Variants in ODR4 observed in about 807,000 individuals in gnomAD.
ODR4 encodes the protein protein odr-4 homolog.
In ODR4, 47 loss-of-function variants were observed where a neutral mutation model predicts 60.2. The observed-to-expected ratio is 0.78, with a 90% CI of 0.62 to 1.00. ODR4 has a LOEUF of 1.00. Ranked by LOEUF, ODR4 falls within the 50% of genes least tolerant of loss-of-function variation. ODR4 has a pLI of 0.00. For synonymous variants in ODR4, 178 were observed against 175.5 expected, an observed-to-expected ratio of 1.01 and a Z score of -0.11; for missense variants, 488 against 530.8, an observed-to-expected ratio of 0.92 and a Z score of 0.79.
intron 11 of ODR4, among the ~76,000 whole-genome samples, chr1:186,404,311 T>G (rs1384930883): frequency 6.6e-6 from 1 of 152,250 alleles, no homozygotes; most frequent in African/African-American, 2.4e-5. Flanking sequence ...ACTTAGATAC[T>G]AAATTGCTAA....
chr1:186,387,048 G>T (rs1267378115), intron 4 of ODR4, among the ~76,000 whole-genome samples: 1 of 152,072 alleles, frequency 6.6e-6, no homozygotes, highest in Non-Finnish European at 1.5e-5. Context: ...CAAAAGAGGG[G>T]GAACCTTAAA....
In ODR4 at chr1:186,388,435, C is replaced by G. The variant is rs1296889683; in HGVS notation, c.331-7C>G. The G allele has an allele frequency of 6.8e-7, 1 of 1,479,050 alleles. No homozygotes were observed. The highest frequency in any genetic ancestry group is 2.5e-5 in the East Asian group (1 of 39,874). The allele number at this position is 1,479,050 out of a possible 1,614,324, so 91.6% of individuals were successfully genotyped here. A position where few individuals can be genotyped will look rare whatever the true frequency, so the allele number is the denominator to read the frequency against. ...ATTCAATTAGTGTGTATTTTTCTCT[C>G]TTTCAGCTAATGTTTGCTGTGGAAA... On this transcript the variant is annotated splice_region_variant and splice_polypyrimidine_tract_variant and intron_variant, in intron 4 of 13. Coordinates refer to ENST00000287859, the MANE Select transcript of ODR4 (RefSeq NM_017847.6).
intron 10 of ODR4, 100 bp downstream of exon 10, chr1:186,398,541 G>A (rs889725332): frequency 5.1e-6 from 6 of 1,172,976 alleles, no homozygotes; most frequent in African/African-American, 4.7e-5. Context: ...TTATTAATTC[G>A]ATTTTAACTG....
In ODR4 at chr1:186,405,981, A is replaced by G. The variant is rs1661159527; in HGVS notation, c.1001-102A>G. 1.3e-5 allele frequency: 11 copies of G among 834,634 alleles called. No homozygotes were observed. The South Asian group carries it at 3.2e-4, about 24-fold the overall frequency. The allele number at this position is 834,634 out of a possible 1,614,324, so 51.7% of individuals were successfully genotyped here. A position where few individuals can be genotyped will look rare whatever the true frequency, so the allele number is the denominator to read the frequency against. ...GAAAATGAAAAAATATTGACCTTTT[A>G]AGCTTTATTTCTATTAGTTTTTGTA... On this transcript the variant is annotated intron_variant, in intron 11 of 13. Coordinates refer to ENST00000287859, the MANE Select transcript of ODR4 (RefSeq NM_017847.6).
chr1:186,390,429 A>G (rs1166384746), intron 6 of ODR4, among the ~76,000 whole-genome samples: 1 of 152,202 alleles, frequency 6.6e-6, no homozygotes, highest in Non-Finnish European at 1.5e-5. Flanking sequence ...CTAGAGGATC[A>G]AAGGACCTTT....
chr1:186,383,756 T>A (rs1419386899), intron 3 of ODR4, among the ~76,000 whole-genome samples: 2 of 148,596 alleles, frequency 1.3e-5, no homozygotes, highest in Non-Finnish European at 3.0e-5. Context: ...TAGTTATATT[T>A]AAAAAAAAAA....
At chr1:186,410,121 A>T (rs1661317218) in intron 12 of ODR4, among the ~76,000 whole-genome samples, 1 of 152,220 alleles carries the variant, frequency 6.6e-6, no homozygotes, top group Non-Finnish European at 1.5e-5. Flanking sequence ...CTGATTCATA[A>T]ATACTGAATA....
chr1:186,415,466 T>TG (rs528872349), intron 12 of ODR4, among the ~76,000 whole-genome samples: 95 of 152,274 alleles, frequency 6.2e-4, no homozygotes, highest in Admixed American at 1.3e-3. Flanking sequence ...CTCTTTTTTG[T>TG]GGGGGTGAGG....
chr1:186,407,347 G>A (rs1054137067), intron 12 of ODR4, among the ~76,000 whole-genome samples: 5 of 152,088 alleles, frequency 3.3e-5, no homozygotes, highest in African/African-American at 1.2e-4. Flanking sequence ...AATGTTTACT[G>A]CTTTCCAAAA....
chr1:186,424,715 G>A (rs764084404), downstream of ODR4, among the ~76,000 whole-genome samples: 2 of 151,938 alleles, frequency 1.3e-5, no homozygotes, highest in Non-Finnish European at 2.9e-5. Context: ...GTTAATGGTG[G>A]CTATCAGCTG....
intron 2 of ODR4, among the ~76,000 whole-genome samples, chr1:186,382,504 T>C: frequency 6.6e-6 from 1 of 152,082 alleles, no homozygotes; most frequent in East Asian, 1.9e-4. Flanking sequence ...ATAGAATCTG[T>C]ATCACTTTAA....
Position 186,413,376 on chromosome 1 carries a change from A to G in ODR4, c.1187-4168A>G, listed in dbSNP as rs1172015263. On this transcript the variant is annotated intron_variant, in intron 12 of 13. Transcript: ENST00000287859. ...TGTTCTATAGTATAGTTGCCCAAGTAGTTGCTATGTTTAAAATACATATTT... is the reference window on the plus strand; with the variant it reads ...TGTTCTATAGTATAGTTGCCCAAGTGGTTGCTATGTTTAAAATACATATTT... Among the ~76,000 whole-genome samples the G allele has an allele frequency of 2.0e-5, 3 of 152,274 alleles. No individual in the cohort carries two copies. The East Asian group carries it at 5.8e-4, about 29-fold the overall frequency.
At chr1:186,379,517 G>A (rs1298066851) in intron 1 of ODR4, among the ~76,000 whole-genome samples, 2 of 151,482 alleles carry the variant, frequency 1.3e-5, no homozygotes, top group Non-Finnish European at 2.9e-5. Context: ...TCCCAGGTAT[G>A]AGTAAAAGGT....
At chr1:186,393,260 A>T (rs945824797) in intron 8 of ODR4, among the ~76,000 whole-genome samples, 3 of 152,216 alleles carry the variant, frequency 2.0e-5, no homozygotes, top group African/African-American at 7.2e-5. Context: ...AAATCTGCAC[A>T]TGTACTCATG....
chr1:186,378,413 C>T (rs183137830), intron 1 of ODR4, among the ~76,000 whole-genome samples: 126 of 152,320 alleles, frequency 8.3e-4, no homozygotes, highest in Non-Finnish European at 1.5e-3. Flanking sequence ...TTCATCCTCA[C>T]TGATTATGAA....
chr1:186,405,932 A>G (rs1283985025), intron 11 of ODR4, 151 bp from the exon 12 acceptor site: 1 of 526,376 alleles, frequency 1.9e-6, no homozygotes, highest in East Asian at 3.4e-5. Flanking sequence ...ATTTGGTAAG[A>G]GCAATTTTGT....
intron 1 of ODR4, among the ~76,000 whole-genome samples, chr1:186,379,101 A>C (rs183072454): frequency 2.0e-5 from 3 of 152,340 alleles, no homozygotes; most frequent in African/African-American, 7.2e-5. Context: ...AAGACTTAGC[A>C]ATAGAGTATC....
downstream of ODR4, among the ~76,000 whole-genome samples, chr1:186,426,019 A>G (rs1346396154): frequency 2.0e-5 from 3 of 152,276 alleles, no homozygotes; most frequent in Non-Finnish European, 2.9e-5. Flanking sequence ...AGATTCACAA[A>G]TTTATTAGGT....
At chr1:186,417,237 A>G (rs931935129) in intron 12 of ODR4, 1 of 286,574 alleles carries the variant, frequency 3.5e-6, no homozygotes, top group Non-Finnish European at 6.6e-6. Context: ...TGCTGGGATT[A>G]CAGGCGTCAG....
Sources: allele counts gnomAD v4.1 joint callset (sites outside exome capture counted in the v4.1 genomes callset), GRCh38; gene constraint gnomAD v4.1.1; transcripts MANE v1.5; gene names NCBI Gene and HGNC (gene_info 2026-07-23, HGNC 2026-07-21).